Variants in KPTN observed in about 807,000 individuals in gnomAD.
KPTN encodes the protein KICSTOR complex protein kaptin.
A neutral mutation model predicts 52.6 loss-of-function variants in KPTN; 36 were observed. That is an observed-to-expected ratio of 0.68 (90% CI 0.52 to 0.90). The LOEUF (loss-of-function observed/expected upper bound fraction) is 0.90. Ranked by LOEUF, KPTN falls within the 40% of genes least tolerant of loss-of-function variation. KPTN has a pLI of 0.00. For synonymous variants in KPTN, 271 were observed against 248.4 expected, an observed-to-expected ratio of 1.09 and a Z score of -0.85; for missense variants, 529 against 576.2, an observed-to-expected ratio of 0.92 and a Z score of 0.84.
intron 7 of KPTN, 26 bp downstream of exon 7, chr19:47,480,270 CCT>C: frequency 6.8e-7 from 1 of 1,474,028 alleles, no homozygotes. Context: ...CAACCCCACC[CCT>C]TACCCCGCCT....
At chr19:47,484,610 T>C (rs567217993), upstream of KPTN, 11 of 169,922 alleles carry the variant, frequency 6.5e-5, no homozygotes, top group African/African-American at 1.9e-4. Context: ...ATGAAGGAAT[T>C]GAGGCACAGA....
intron 3 of KPTN, 32 bp downstream of exon 3, chr19:47,483,261 ACT>A (rs753021194): frequency 1.2e-6 from 2 of 1,612,592 alleles, no homozygotes; most frequent in Admixed American, 1.7e-5. Context: ...CCTGCTGGGG[ACT>A]CTCTCCCTCC....
intron 11 of KPTN, 28 bp downstream of exon 11, chr19:47,476,504 C>G: frequency 6.4e-7 from 1 of 1,563,892 alleles, no homozygotes. Flanking sequence ...GAGGTCGACT[C>G]CCCTCCCACC....
Position 47,475,313 on chromosome 19 carries a change from G to C in KPTN, c.*103C>G. The C allele has an allele frequency of 7.1e-7, 1 of 1,415,842 alleles. No homozygotes were observed. The highest frequency in any genetic ancestry group is 1.4e-5 in the African/African-American group (1 of 71,006). 87.7% of individuals were successfully genotyped at this position (1,415,842 alleles called of 1,614,324 possible). A position where few individuals can be genotyped will look rare whatever the true frequency, so the allele number is the denominator to read the frequency against. On this transcript the variant is annotated 3_prime_UTR_variant, in exon 12 of 12. Coordinates refer to ENST00000338134, the MANE Select transcript of KPTN (RefSeq NM_007059.4). ...GGCACAGCTTCACCACCCTGGGGAG[G>C]TCTGGGGAGAGCATCCTGTCCTTCA...
intron 9 of KPTN, 90 bp downstream of exon 9, chr19:47,477,616 C>A: frequency 1.0e-6 from 1 of 1,000,804 alleles, no homozygotes; most frequent in Non-Finnish European, 1.6e-6. Context: ...GTAATCCACC[C>A]AGAGGAACTT....
Position 47,483,936 on chromosome 19 carries a change from G to C in KPTN, c.225C>G (p.Pro75=). 6.2e-7 allele frequency: 1 copy of C among 1,612,460 alleles called. No homozygotes were observed. Among genetic ancestry groups the C allele is most frequent in the Non-Finnish European group, 8.5e-7 (1 of 1,179,722 alleles). ...VAKELQFNYI[P]VDAEIVSIDT... is the part of the protein sequence containing the mutation. ...CCCCAGCACCATAGCGCCACCCACC[G>C]GGAATGTAGTTGAACTGCAGCTCCT... The change falls in exon 1 of 12, where the codon CCC becomes CCG. Residue 75 remains proline, a splice_region_variant and synonymous_variant. Coordinates refer to ENST00000338134, the MANE Select transcript of KPTN (RefSeq NM_007059.4).
chr19:47,485,599 C>T (rs181026876), upstream of KPTN, among the ~76,000 whole-genome samples: 5 of 152,340 alleles, frequency 3.3e-5, no homozygotes, highest in South Asian at 2.1e-4. Context: ...ATCGCCTGTA[C>T]CTGGAACACA....
chr19:47,483,751 G>T, intron 1 of KPTN, 167 bp from the exon 2 acceptor site: 1 of 946,354 alleles, frequency 1.1e-6, no homozygotes, highest in East Asian at 2.6e-5. Flanking sequence ...CTGTAAGTCT[G>T]AAGAATCCTG....
rs1257447472 is a variant in KPTN, at chr19:47,483,153, A to G, written c.449+8T>C. Reference sequence around the variant, plus strand: ...TGGAGTGGGCGTCGATGCGCAGGGGACACTCACTCCGCATGGCACAGCTGG... The same window carrying G: ...TGGAGTGGGCGTCGATGCGCAGGGGGCACTCACTCCGCATGGCACAGCTGG... On this transcript the variant is annotated splice_region_variant and intron_variant, in intron 4 of 11. Transcript: ENST00000338134. 1 of 1,613,218 alleles carries G rather than the reference A, an allele frequency of 6.2e-7. No individual in the cohort carries two copies. Among genetic ancestry groups the G allele is most frequent in the Non-Finnish European group, 8.5e-7 (1 of 1,179,412 alleles).
chr19:47,481,889 G>A (rs1967889450), intron 4 of KPTN, among the ~76,000 whole-genome samples: 1 of 152,202 alleles, frequency 6.6e-6, no homozygotes, highest in East Asian at 1.9e-4. Flanking sequence ...TGGTATTCTA[G>A]ATGCTCTATG....
In KPTN at chr19:47,476,872, G is replaced by C. The variant is rs768135594; in HGVS notation, c.930C>G (p.Val310=). The C allele has an allele frequency of 3.1e-5, 48 of 1,568,894 alleles. No individual in the cohort carries two copies. Among genetic ancestry groups the C allele is most frequent in the Non-Finnish European group, 4.1e-5 (47 of 1,156,484 alleles). Residue 310 remains valine, a synonymous_variant, in exon 10 of 12, where the codon GTC becomes GTG. Transcript: ENST00000338134. ...LLPGSDQFDS[V]LCSLVTDVDL... ...CCACATCGGTGACCAGGCTGCAGAG[G>C]ACGCTGTCAAACTGGTCACTGCCGG...
chr19:47,480,639 A>G (rs1967844348), intron 6 of KPTN, 121 bp downstream of exon 6: 1 of 936,544 alleles, frequency 1.1e-6, no homozygotes, highest in Non-Finnish European at 1.7e-6. Flanking sequence ...CTCTGAAGTC[A>G]TGCCGTGGAC....
intron 8 of KPTN, among the ~76,000 whole-genome samples, chr19:47,478,898 G>A (rs891486131): frequency 3.3e-5 from 5 of 152,208 alleles, no homozygotes; most frequent in Admixed American, 1.3e-4. Flanking sequence ...GAAGCAGGAA[G>A]GTGGGAGGCG....
At position 47,475,282 on chromosome 19, in the gene KPTN, C is replaced by A; in HGVS notation, c.*134G>T. On this transcript the variant is annotated 3_prime_UTR_variant, in exon 12 of 12. Coordinates refer to ENST00000338134, the MANE Select transcript of KPTN (RefSeq NM_007059.4). The stretch of plus-strand genomic sequence containing the variant: ...AGAGAGAGGAGTGGGTTAGCTGGGG[C>A]CCCAGGGCACAGCTTCACCACCCTG... 2.7e-6 allele frequency: 3 copies of A among 1,094,278 alleles called. No individual in the cohort carries two copies. Among genetic ancestry groups the A allele is most frequent in the South Asian group, 3.2e-5 (2 of 62,140 alleles). The allele number at this position is 1,094,278 out of a possible 1,614,324, so 67.8% of individuals were successfully genotyped here.
At position 47,475,455 on chromosome 19, in the gene KPTN, G is replaced by A. The variant is rs755045419; in HGVS notation, c.1272C>T (p.Asp424=). The A allele has an allele frequency of 4.2e-5, 68 of 1,613,340 alleles. No individual in the cohort carries two copies. Among genetic ancestry groups the A allele is most frequent in the Non-Finnish European group, 4.7e-5 (55 of 1,179,504 alleles). ...TCTCAGCAGGCCCTGCACCTGCCCC[G>A]TCCTCCAACCCCTGTAGCCGACGTC... ...QRRRRLQGLE[D]GAGAGPAENA... Residue 424 remains aspartate (D), a synonymous_variant, in exon 12 of 12, where the codon GAC becomes GAT. Transcript: ENST00000338134.
At chr19:47,485,164 G>T (rs1043972414), upstream of KPTN, among the ~76,000 whole-genome samples, 1 of 152,126 alleles carries the variant, frequency 6.6e-6, no homozygotes, top group Non-Finnish European at 1.5e-5. Flanking sequence ...TGTTCTGCAA[G>T]GGCCTACTGT....
chr19:47,477,253 G>A (rs1368662606), intron 9 of KPTN, among the ~76,000 whole-genome samples: 1 of 152,196 alleles, frequency 6.6e-6, no homozygotes, highest in Admixed American at 6.5e-5. Context: ...CCCGAAGAGG[G>A]CTTGGCCCTG....
chr19:47,484,063 C>T lies in KPTN; in HGVS notation c.98G>A (p.Gly33Asp). 1 of 1,610,718 alleles carries T rather than the reference C, an allele frequency of 6.2e-7. No individual in the cohort carries two copies. Among genetic ancestry groups the T allele is most frequent in the Non-Finnish European group, 8.5e-7 (1 of 1,179,812 alleles). The change falls in exon 1 of 12, where the codon GGC becomes GAC. Residue 33 changes from glycine to aspartate, a missense_variant. By Grantham distance (94) the Gly-to-Asp change is moderately conservative. Coordinates refer to ENST00000338134, the MANE Select transcript of KPTN (RefSeq NM_007059.4). ...SSQSNVYGLAGGAGGRGELLA... is the reference protein window; with the variant it reads ...SSQSNVYGLADGAGGRGELLA... ...CAGCTCCCCGCGCCCGCCGGCGCCG[C>T]CTGCCAGCCCGTACACATTGCTCTG...
intron 9 of KPTN, 124 bp downstream of exon 9, chr19:47,477,582 G>T (rs969346350): frequency 1.4e-6 from 1 of 704,792 alleles, no homozygotes; most frequent in South Asian, 1.6e-5. Context: ...TGGGTCACGA[G>T]TATCTGTACT....
Sources: gnomAD v4.1 joint callset for allele counts (sites outside exome capture counted in the v4.1 genomes callset) on GRCh38, gnomAD v4.1.1 for gene constraint, MANE v1.5 for transcripts, NCBI Gene and HGNC (gene_info 2026-07-23, HGNC 2026-07-21) for gene names.